AAK1: variants seen among roughly 807,000 people sequenced by gnomAD.
AAK1 encodes AP2-associated protein kinase 1.
A neutral mutation model predicts 116.0 loss-of-function variants in AAK1; 37 were observed. The ratio of observed to expected loss-of-function variants is 0.32; its 90% confidence interval spans 0.25 to 0.42. The LOEUF (loss-of-function observed/expected upper bound fraction) is 0.42. Among genes scored for constraint, AAK1 ranks in the 10% least tolerant of loss-of-function variants. The pLI, the probability that AAK1 is intolerant of heterozygous loss-of-function variation, is 1.00. For synonymous variants in AAK1, 458 were observed against 439.9 expected, an observed-to-expected ratio of 1.04 and a Z score of -0.51; for missense variants, 919 against 1,170.6, an observed-to-expected ratio of 0.79 and a Z score of 3.14.
At chr2:69,620,688 C>T (rs950738045) in intron 2 of AAK1, among the ~76,000 whole-genome samples, 8 of 152,166 alleles carry the variant, frequency 5.3e-5, no homozygotes, top group Non-Finnish European at 1.0e-4. Flanking sequence ...CTGCGAGACA[C>T]TGCATTCTAC....
Position 69,501,696 on chromosome 2 carries a change from C to T in AAK1, c.2269+3873G>A, listed in dbSNP as rs144151323. 4.9e-3 allele frequency among the ~76,000 whole-genome samples: 742 copies of T among 152,254 alleles called. 10 individuals carry two copies. The highest frequency in any genetic ancestry group is 0.013 in the Admixed American group (192 of 15,280). On this transcript the variant is annotated intron_variant, in intron 16 of 21. Coordinates refer to ENST00000409085, the MANE Select transcript of AAK1 (RefSeq NM_014911.5). ...TAAGAAAAACAAGAAAATGGCCAGGCGAGGTGGCTCACGCCTGTAATCCCA... is the reference window on the plus strand; with the variant it reads ...TAAGAAAAACAAGAAAATGGCCAGGTGAGGTGGCTCACGCCTGTAATCCCA...
rs186875087 is a variant in AAK1 at position 69,468,419 on chromosome 2, C to T, written c.*7450G>A. 11 of 985,440 alleles carry T rather than the reference C, an allele frequency of 1.1e-5. No homozygotes were observed. The African/African-American group carries it at 1.7e-4, about 16-fold the overall frequency. 61.0% of individuals were successfully genotyped at this position (985,440 alleles called of 1,614,324 possible). ...CTAAAACTCCTTGAACCACCTTCCTCACATAGTATCAGTTGGACAAAGTTT... is the reference window on the plus strand; with the variant it reads ...CTAAAACTCCTTGAACCACCTTCCTTACATAGTATCAGTTGGACAAAGTTT... On this transcript the variant is annotated 3_prime_UTR_variant, in exon 22 of 22. Transcript: ENST00000409085.
chr2:69,497,237 T>C (rs937913173), intron 16 of AAK1, among the ~76,000 whole-genome samples: 3 of 78,684 alleles, frequency 3.8e-5, no homozygotes, highest in Non-Finnish European at 6.4e-5. Flanking sequence ...CTCAGCCTAG[T>C]AGCCTAGTAG....
rs1673444930 is a variant in AAK1 at position 69,599,235 on chromosome 2, A to C, written c.164-42257T>G. Among the ~76,000 whole-genome samples, 3 of 152,256 alleles carry C rather than the reference A, an allele frequency of 2.0e-5. No homozygotes were observed. In the South Asian group the frequency reaches 6.2e-4, roughly 32 times the overall value. ...AACAATTCGAACATGTCTATAGACTAGAATTTCTTAAAAGTGACAGTGAAT... is the reference window on the plus strand; with the variant it reads ...AACAATTCGAACATGTCTATAGACTCGAATTTCTTAAAAGTGACAGTGAAT... On this transcript the variant is annotated intron_variant, in intron 2 of 21. Transcript: ENST00000409085.
intron 2 of AAK1, among the ~76,000 whole-genome samples, chr2:69,607,278 G>T (rs1298444089): frequency 1.3e-5 from 2 of 151,962 alleles, no homozygotes; most frequent in Non-Finnish European, 2.9e-5. Context: ...GAGAGGGAAG[G>T]ACGGGCAGGA....
chr2:69,592,153 A>G (rs973792639), intron 2 of AAK1, among the ~76,000 whole-genome samples: 3 of 152,224 alleles, frequency 2.0e-5, no homozygotes, highest in African/African-American at 7.2e-5. Context: ...CTAGACTAGA[A>G]TACAATTTTC....
At position 69,630,392 on chromosome 2, in the gene AAK1, G is replaced by A. The variant is rs182160165; in HGVS notation, c.163+12486C>T. 1.3e-3 allele frequency among the ~76,000 whole-genome samples: 202 copies of A among 151,016 alleles called. 1 individual carries two copies. The highest frequency in any genetic ancestry group is 4.4e-3 in the African/African-American group (182 of 41,028). ...GGGGAGGGAGAGAGAGAGACCTCCT[G>A]TGTGTATTTCCAAAACTCTAACTCC... On this transcript the variant is annotated intron_variant, in intron 2 of 21. Coordinates refer to ENST00000409085, the MANE Select transcript of AAK1 (RefSeq NM_014911.5).
intron 2 of AAK1, among the ~76,000 whole-genome samples, chr2:69,632,062 T>C (rs1360472961): frequency 1.3e-5 from 2 of 152,178 alleles, no homozygotes; most frequent in Non-Finnish European, 2.9e-5. Context: ...TATAAAATGC[T>C]ACAGCCAGTA....
rs571167118 is a variant in AAK1 at position 69,461,499 on chromosome 2, C to CAAA, written c.*14367_*14369dup. On this transcript the variant is annotated 3_prime_UTR_variant, in exon 22 of 22. Coordinates refer to ENST00000409085, the MANE Select transcript of AAK1 (RefSeq NM_014911.5). ...AAGTCAAAGTTTTTTCATGCATCAC[C>CAAA]AAAAAAAAAAAAAAAAGTAATTTGC... is the stretch of plus-strand genomic sequence containing the variant. The CAAA allele has an allele frequency of 4.9e-4, 78 of 158,308 alleles. No homozygotes were observed. Among genetic ancestry groups the CAAA allele is most frequent in the Middle Eastern group, 3.0e-3 (1 of 336 alleles). 9.8% of individuals were successfully genotyped at this position (158,308 alleles called of 1,614,324 possible). A position where few individuals can be genotyped will look rare whatever the true frequency, so the allele number is the denominator to read the frequency against.
chr2:69,472,446 G>T lies in AAK1; in HGVS notation c.*3423C>A. ...AGTTTCAAAAATAACTTTAAGGATG[G>T]CAGCATCATTAGAATAAGTATTAAC... On this transcript the variant is annotated 3_prime_UTR_variant, in exon 22 of 22. Transcript: ENST00000409085. 3.2e-6 allele frequency: 1 copy of T among 316,172 alleles called. No individual in the cohort carries two copies. The highest frequency in any genetic ancestry group is 4.6e-6 in the Non-Finnish European group (1 of 218,422). The allele number at this position is 316,172 out of a possible 1,614,324, so 19.6% of individuals were successfully genotyped here. A position where few individuals can be genotyped will look rare whatever the true frequency, so the allele number is the denominator to read the frequency against.
At chr2:69,569,056 T>A (rs1671991333) in intron 2 of AAK1, among the ~76,000 whole-genome samples, 1 of 152,140 alleles carries the variant, frequency 6.6e-6, no homozygotes, top group Non-Finnish European at 1.5e-5. Flanking sequence ...CTTCCTCTTT[T>A]CTTACTGAAA....
chr2:69,595,279 G>A (rs1308991401), intron 2 of AAK1, among the ~76,000 whole-genome samples: 2 of 151,968 alleles, frequency 1.3e-5, no homozygotes, highest in East Asian at 1.9e-4. Flanking sequence ...CACCTGGCTA[G>A]TTGTTTTTGT....
intron 17 of AAK1, among the ~76,000 whole-genome samples, chr2:69,487,007 TA>T (rs1478554194): frequency 6.6e-6 from 1 of 152,174 alleles, no homozygotes; most frequent in Non-Finnish European, 1.5e-5. Flanking sequence ...TCCAGAAAGT[TA>T]AAGAAACTTG....
chr2:69,549,522 C>T (rs1218921939), intron 3 of AAK1, among the ~76,000 whole-genome samples: 2 of 152,148 alleles, frequency 1.3e-5, no homozygotes, highest in Admixed American at 1.3e-4. Flanking sequence ...CTTTGCTCTG[C>T]TACATTCTTT....
At chr2:69,556,333 A>G (rs1671384457) in intron 3 of AAK1, among the ~76,000 whole-genome samples, 1 of 152,160 alleles carries the variant, frequency 6.6e-6, no homozygotes, top group Admixed American at 6.5e-5. Context: ...ATAGATTCAT[A>G]GAGTATATAT....
At chr2:69,554,428 A>G (rs1482233895) in intron 3 of AAK1, among the ~76,000 whole-genome samples, 1 of 152,244 alleles carries the variant, frequency 6.6e-6, no homozygotes, top group Non-Finnish European at 1.5e-5. Flanking sequence ...GCAAAGTTAC[A>G]TAGGAAAGGC....
intron 2 of AAK1, among the ~76,000 whole-genome samples, chr2:69,575,466 T>A (rs1169546301): frequency 2.8e-5 from 4 of 141,918 alleles, no homozygotes; most frequent in African/African-American, 1.0e-4. Context: ...ATAAACAAAT[T>A]TTTTTTTTTT....
In AAK1 at chr2:69,603,068, C is replaced by T. The variant is rs1410212822; in HGVS notation, c.163+39810G>A. The stretch of plus-strand genomic sequence containing the variant: ...AATGGATGGAGGGATGGACAAATAT[C>T]AAGAAATTCATTAAAATAATTTATC... On this transcript the variant is annotated intron_variant, in intron 2 of 21. Coordinates refer to ENST00000409085, the MANE Select transcript of AAK1 (RefSeq NM_014911.5). Among the ~76,000 whole-genome samples the T allele has an allele frequency of 2.6e-5, 4 of 151,988 alleles. No homozygotes were observed. In the East Asian group the frequency reaches 7.7e-4, roughly 29 times the overall value.
chr2:69,513,074 T>A lies in AAK1; in HGVS notation c.1776+1397A>T, dbSNP rs192575397. On this transcript the variant is annotated intron_variant, in intron 13 of 21. Transcript: ENST00000409085. ...TAGCTATCTCATGTACTAATTTTTTTAAAAACTCTTTTTCCATGAAGAAGA... is the reference window on the plus strand; with the variant it reads ...TAGCTATCTCATGTACTAATTTTTTAAAAAACTCTTTTTCCATGAAGAAGA... 4.6e-3 allele frequency among the ~76,000 whole-genome samples: 697 copies of A among 152,246 alleles called. 3 individuals carry two copies. Among genetic ancestry groups the A allele is most frequent in the African/African-American group, 0.016 (663 of 41,528 alleles).
Sources: allele counts gnomAD v4.1 joint callset (sites outside exome capture counted in the v4.1 genomes callset), GRCh38; gene constraint gnomAD v4.1.1; transcripts MANE v1.5; gene names NCBI Gene and HGNC (gene_info 2026-07-23, HGNC 2026-07-21).